The following MYBL1 variants were observed in gnomAD, a reference collection of about 807,000 sequenced individuals.
MYBL1 encodes myb-related protein A.
MYBL1 carries 17 observed loss-of-function variants against 96.3 expected under a neutral mutation model. The observed-to-expected ratio is 0.18, with a 90% CI of 0.12 to 0.26. The LOEUF is 0.26. MYBL1 is among the 10% of genes least tolerant of loss of function. The pLI is 1.00. For missense variants in MYBL1, 701 were observed against 882.9 expected (o/e 0.79, Z 2.61); for synonymous variants, 282 against 292.7 (o/e 0.96, Z 0.37).
At chr8:66,566,550 T>G (rs921509711) in intron 14 of MYBL1, 134 bp downstream of exon 14, 17 of 585,576 alleles carry the variant, frequency 2.9e-5, no homozygotes, top group Admixed American at 6.8e-5. Flanking sequence ...TCTCTGTGAA[T>G]TAGGCAAAAT....
chr8:66,601,730 C>T lies in MYBL1; in HGVS notation c.166G>A (p.Asp56Asn). The change falls in exon 3 of 16, where the codon GAT becomes AAT. Residue 56 changes from aspartate (D) to asparagine (N), a missense_variant. By Grantham distance (23) the Asp-to-Asn change is conservative (BLOSUM62 1). Coordinates refer to ENST00000522677, the MANE Select transcript of MYBL1 (RefSeq NM_001080416.4). ...LKKLVEQHGT[D>N]DWTLIASHLQ... is the part of the protein sequence containing the mutation. ...TGACTAGCAATTAGAGTCCAATCAT[C>T]AGTTCCATGTTGTTCAACCAACTTC... 2 of 1,528,402 alleles carry T rather than the reference C, an allele frequency of 1.3e-6. No homozygotes were observed. Among genetic ancestry groups the T allele is most frequent in the Non-Finnish European group, 8.9e-7 (1 of 1,128,300 alleles). 94.7% of individuals were successfully genotyped at this position (1,528,402 alleles called of 1,614,324 possible).
intron 12 of MYBL1, among the ~76,000 whole-genome samples, chr8:66,571,829 G>C (rs547855483): frequency 6.7e-6 from 1 of 149,354 alleles, no homozygotes; most frequent in South Asian, 2.1e-4. Context: ...AGTGAGCCAA[G>C]AATGAGCCAC....
intron 10 of MYBL1, among the ~76,000 whole-genome samples, chr8:66,573,927 C>T (rs958766687): frequency 3.9e-5 from 6 of 152,008 alleles, no homozygotes; most frequent in Non-Finnish European, 8.8e-5. Context: ...CCTTAAGTGG[C>T]TTTTTCTATG....
At chr8:66,594,410 T>C (rs1014997811) in intron 6 of MYBL1, among the ~76,000 whole-genome samples, 3 of 152,128 alleles carry the variant, frequency 2.0e-5, no homozygotes, top group African/African-American at 7.2e-5. Context: ...ATAATAAAAT[T>C]ATTTTATTAG....
chr8:66,606,684 T>C (rs1733128108), intron 1 of MYBL1, among the ~76,000 whole-genome samples: 1 of 152,176 alleles, frequency 6.6e-6, no homozygotes, highest in African/African-American at 2.4e-5. Context: ...TCCCCTATGA[T>C]CTGCTTCTAC....
At chr8:66,602,742 T>A (rs1293546252) in intron 1 of MYBL1, among the ~76,000 whole-genome samples, 52 of 99,192 alleles carry the variant, frequency 5.2e-4, no homozygotes, top group Non-Finnish European at 7.4e-4. Flanking sequence ...TATTTTTTTT[T>A]TTTTTTTTTT....
chr8:66,612,477 C>G (rs187769754), intron 1 of MYBL1: 2 of 322,454 alleles, frequency 6.2e-6, no homozygotes, highest in East Asian at 9.4e-5. Context: ...AGTCAGTTTT[C>G]TCTGCGTAGC....
chr8:66,582,028 T>C (rs1809230358), intron 8 of MYBL1, among the ~76,000 whole-genome samples: 1 of 152,048 alleles, frequency 6.6e-6, no homozygotes, highest in Admixed American at 6.6e-5. Context: ...AATTCACTAG[T>C]AGAGCAGGTA....
chr8:66,571,866 G>C (rs1438394788), intron 12 of MYBL1, among the ~76,000 whole-genome samples: 3 of 146,788 alleles, frequency 2.0e-5, no homozygotes, highest in African/African-American at 7.7e-5. Context: ...GACAGAGCAA[G>C]ACTGCGTCTC....
At chr8:66,577,899 G>C (rs909132762) in intron 9 of MYBL1, among the ~76,000 whole-genome samples, 1 of 152,108 alleles carries the variant, frequency 6.6e-6, no homozygotes, top group Non-Finnish European at 1.5e-5. Context: ...CAATGGAACA[G>C]AACAGAGCCC....
chr8:66,610,688 G>GC (rs930560581), intron 1 of MYBL1, among the ~76,000 whole-genome samples: 1 of 151,948 alleles, frequency 6.6e-6, no homozygotes, highest in Admixed American at 6.6e-5. Flanking sequence ...ATCCTCTTTT[G>GC]TTTTTTGTTG....
intron 12 of MYBL1, 119 bp downstream of exon 12, chr8:66,572,363 C>A: frequency 9.5e-6 from 5 of 524,644 alleles, no homozygotes; most frequent in South Asian, 3.5e-5. Context: ...AAAGATAAAG[C>A]TTTGTATCTG....
At chr8:66,599,289 T>C in intron 3 of MYBL1, 147 bp from the exon 4 acceptor site, 1 of 508,784 alleles carries the variant, frequency 2.0e-6, no homozygotes, top group Non-Finnish European at 3.4e-6. Context: ...TTATGTTACA[T>C]ATCTCTGCCC....
chr8:66,597,500 T>G lies in MYBL1; in HGVS notation c.342A>C (p.Ala114=). 6.2e-7 allele frequency: 1 copy of G among 1,613,206 alleles called. No homozygotes were observed. The highest frequency in any genetic ancestry group is 8.5e-7 in the Non-Finnish European group (1 of 1,179,502). ...TGCCTATTCTTCCTTTTAAATGTTTTGCAATTAAAGACCATCTTTTTGGCC... is the reference window on the plus strand; with the variant it reads ...TGCCTATTCTTCCTTTTAAATGTTTGGCAATTAAAGACCATCTTTTTGGCC... ...KYGPKRWSLI[A]KHLKGRIGKQ... Residue 114 remains alanine (A), a synonymous_variant, in exon 5 of 16, where the codon GCA becomes GCC. Transcript: ENST00000522677.
In MYBL1 at chr8:66,612,901, G is replaced by A. The variant is rs2130107678; in HGVS notation, c.-63C>T. 2.3e-6 allele frequency: 3 copies of A among 1,324,446 alleles called. No individual in the cohort carries two copies. Among genetic ancestry groups the A allele is most frequent in the African/African-American group, 1.5e-5 (1 of 66,482 alleles). 82.0% of individuals were successfully genotyped at this position (1,324,446 alleles called of 1,614,324 possible). ...GCGGGTCAGCCTCCTCCAGCCTCCG[G>A]CGAATGCTCCTTCTCCCCGATCCTC... On this transcript the variant is annotated 5_prime_UTR_variant, in exon 1 of 16. Coordinates refer to ENST00000522677, the MANE Select transcript of MYBL1 (RefSeq NM_001080416.4).
At chr8:66,574,768 T>C (rs976825419) in intron 10 of MYBL1, among the ~76,000 whole-genome samples, 1 of 152,226 alleles carries the variant, frequency 6.6e-6, no homozygotes, top group East Asian at 1.9e-4. Flanking sequence ...AGAAGATTGT[T>C]TGGAGGCTGG....
chr8:66,601,949 A>G (rs1810089141), intron 2 of MYBL1, among the ~76,000 whole-genome samples, 180 bp from the exon 3 acceptor site: 1 of 152,238 alleles, frequency 6.6e-6, no homozygotes, highest in Non-Finnish European at 1.5e-5. Flanking sequence ...CAATGTCATC[A>G]GTTATTCATG....
intron 12 of MYBL1, among the ~76,000 whole-genome samples, chr8:66,567,526 AGTGTGTGT>A (rs111352513): frequency 2.0e-5 from 3 of 146,828 alleles, no homozygotes; most frequent in Non-Finnish European, 4.6e-5. Context: ...AGAGAGAGTG[AGTGTGTGT>A]GTGTGTGTGT....
chr8:66,601,177 CAAAAAAAAAAA>C (rs1167336780), intron 3 of MYBL1, among the ~76,000 whole-genome samples: 2 of 13,914 alleles, frequency 1.4e-4, no homozygotes, highest in South Asian at 2.2e-3. Flanking sequence ...AACTCCGTCT[CAAAAAAAAAAA>C]AAAAAAAAAA....
Sources: gnomAD v4.1 joint callset for allele counts (sites outside exome capture counted in the v4.1 genomes callset) on GRCh38, gnomAD v4.1.1 for gene constraint, MANE v1.5 for transcripts, NCBI Gene and HGNC (gene_info 2026-07-23, HGNC 2026-07-21) for gene names.